Variants in IRF6 observed in about 807,000 individuals in gnomAD.
IRF6 encodes the protein Van der Woude syndrome.
A neutral mutation model predicts 51.4 loss-of-function variants in IRF6; 6 were observed. The observed-to-expected ratio is 0.12, with a 90% CI of 0.06 to 0.23. IRF6 has a LOEUF of 0.23. IRF6 is among the 10% of genes least tolerant of loss of function. The probability of loss-of-function intolerance (pLI) is 1.00; values close to 1 mark genes in which losing one functional copy is unlikely to be tolerated. For synonymous variants in IRF6, 178 were observed against 215.7 expected (o/e 0.83, Z 1.53); for missense variants, 348 against 585.2 (o/e 0.59, Z 4.18).
intron 5 of IRF6, among the ~76,000 whole-genome samples, chr1:209,792,908 G>C (rs1294857690): frequency 2.0e-5 from 3 of 152,184 alleles, no homozygotes; most frequent in Non-Finnish European, 4.4e-5. Flanking sequence ...AACCTAGAAG[G>C]ATCTGACTCC....
rs374822414 is a variant in IRF6, at chr1:209,786,517, G to C, written c.*1903C>G. The C allele has an allele frequency of 6.6e-6, 1 of 152,068 alleles. No individual in the cohort carries two copies. Among genetic ancestry groups the C allele is most frequent in the African/African-American group, 2.4e-5 (1 of 41,412 alleles). The allele number at this position is 152,068 out of a possible 1,614,324, so 9.4% of individuals were successfully genotyped here. ...TTACCTACAGTGGGTTTTTAACTTT[G>C]AGTTCCCACGTAGAGATGGGGCAGC... is the stretch of plus-strand genomic sequence containing the variant. On this transcript the variant is annotated 3_prime_UTR_variant, in exon 9 of 9. Transcript: ENST00000367021.
rs756149251 is a variant in IRF6, at chr1:209,789,672, C to G, written c.1174G>C (p.Val392Leu). The G allele has an allele frequency of 1.2e-6, 2 of 1,607,782 alleles. No individual in the cohort carries two copies. The highest frequency in any genetic ancestry group is 1.7e-6 in the Non-Finnish European group (2 of 1,174,258). ...ACACAGCCTTATCTTCTCACCTGAA[C>G]CAAGATGAGTTTCCTTTCCAATGGT... The part of the protein sequence containing the change: ...GKPLERKLIL[V>L]QVIPVVARMI... The change falls in exon 8 of 9, where the codon GTT becomes CTT. Residue 392 changes from valine to leucine, a missense_variant. By Grantham distance (32) the Val-to-Leu change is conservative. This residue lies in a region of IRF6 where 125 missense variants were observed against 222.0 expected (regional missense o/e 0.56). Transcript: ENST00000367021.
At position 209,790,865 on chromosome 1, in the gene IRF6, A is replaced by C. The variant is rs757779208; in HGVS notation, c.690T>G (p.Phe230Leu). The C allele has an allele frequency of 3.3e-5, 53 of 1,612,836 alleles. No individual in the cohort carries two copies. The highest frequency in any genetic ancestry group is 4.5e-5 in the Non-Finnish European group (53 of 1,180,024). Reference protein sequence around the residue: ...SLPMTDLDIKFQYRGKEYGQT... With the variant: ...SLPMTDLDIKLQYRGKEYGQT... ...GCCCGTACTCCTTCCCACGGTACTGAAACTTGATGTCCAGGTCAGTCACTG... is the reference window on the plus strand; with the variant it reads ...GCCCGTACTCCTTCCCACGGTACTGCAACTTGATGTCCAGGTCAGTCACTG... The change falls in exon 7 of 9, where the codon TTT becomes TTG. Residue 230 changes from phenylalanine to leucine, a missense_variant. Transcript: ENST00000367021. This position sits in a 1 kb window ranked among gnomAD's most constrained non-coding sequence, Gnocchi z 4.8.
intron 3 of IRF6, among the ~76,000 whole-genome samples, chr1:209,798,824 G>A (rs902773144): frequency 1.2e-4 from 18 of 148,192 alleles, no homozygotes; most frequent in Admixed American, 2.8e-4. Context: ...CAGGAGAATC[G>A]CTTGAACCCG....
chr1:209,802,921 C>T (rs1408467185), intron 1 of IRF6, among the ~76,000 whole-genome samples: 1 of 152,190 alleles, frequency 6.6e-6, no homozygotes, highest in Non-Finnish European at 1.5e-5. Context: ...ATGTGAAAAA[C>T]CCAAACCCAA....
At chr1:209,792,549 T>C (rs113778368) in intron 5 of IRF6, 122 bp from the exon 6 acceptor site, 1 of 997,006 alleles carries the variant, frequency 1.0e-6, no homozygotes, top group Non-Finnish European at 1.5e-6. Flanking sequence ...CCCAGTGTGA[T>C]CTTCCAGCCC....
intron 1 of IRF6, among the ~76,000 whole-genome samples, chr1:209,802,930 A>C (rs1296376102): frequency 6.6e-6 from 1 of 152,142 alleles, no homozygotes; most frequent in Non-Finnish European, 1.5e-5. Context: ...ACCCAAACCC[A>C]ACTCAGCGTC....
At chr1:209,804,547 T>A (rs1296421061) in intron 1 of IRF6, among the ~76,000 whole-genome samples, 3 of 152,214 alleles carry the variant, frequency 2.0e-5, no homozygotes, top group Non-Finnish European at 4.4e-5. Flanking sequence ...AAGAACCACC[T>A]TAGCCTAGTT....
At chr1:209,804,505 A>C (rs2077962198) in intron 1 of IRF6, among the ~76,000 whole-genome samples, 1 of 152,184 alleles carries the variant, frequency 6.6e-6, no homozygotes, top group African/African-American at 2.4e-5. Flanking sequence ...TTCTCTTTCT[A>C]AACACTCTTG....
chr1:209,803,896 G>C (rs1046915590), intron 1 of IRF6, among the ~76,000 whole-genome samples: 38 of 152,116 alleles, frequency 2.5e-4, no homozygotes, highest in Admixed American at 2.5e-3. Flanking sequence ...CATACAACTT[G>C]ACTGTGTAGC....
rs2077861851 is a variant in IRF6, at chr1:209,790,387, A to G, written c.1060+108T>C. 7.3e-7 allele frequency: 1 copy of G among 1,362,518 alleles called. No individual in the cohort carries two copies. The highest frequency in any genetic ancestry group is 2.5e-4 in the Middle Eastern group (1 of 4,022). 84.4% of individuals were successfully genotyped at this position (1,362,518 alleles called of 1,614,324 possible). A position where few individuals can be genotyped will look rare whatever the true frequency, so the allele number is the denominator to read the frequency against. ...TGACCTCCTCCAGACTAAATTTTTT[A>G]AGATCTTTGCCATGCCAGGAAAGCA... On this transcript the variant is annotated intron_variant, in intron 7 of 8. Coordinates refer to ENST00000367021, the MANE Select transcript of IRF6 (RefSeq NM_006147.4). The surrounding 1 kb of genome is among the most constrained non-coding windows in gnomAD (Gnocchi z 4.8).
chr1:209,792,489 C>T, intron 5 of IRF6, 62 bp from the exon 6 acceptor site: 3 of 1,565,556 alleles, frequency 1.9e-6, no homozygotes, highest in Non-Finnish European at 2.6e-6. Context: ...CTTGCTGATG[C>T]TCTGAGAACT....
In IRF6 at chr1:209,788,359, A is replaced by G; in HGVS notation, c.*61T>C. The G allele has an allele frequency of 8.7e-7, 1 of 1,145,320 alleles. No individual in the cohort carries two copies. The highest frequency in any genetic ancestry group is 1.8e-5 in the Admixed American group (1 of 56,420). The allele number at this position is 1,145,320 out of a possible 1,614,324, so 70.9% of individuals were successfully genotyped here. A position where few individuals can be genotyped will look rare whatever the true frequency, so the allele number is the denominator to read the frequency against. On this transcript the variant is annotated 3_prime_UTR_variant, in exon 9 of 9. Transcript: ENST00000367021. The stretch of plus-strand genomic sequence containing the variant: ...ATTTAAAAGCTGGTTAAATCTAAAC[A>G]ATAAAAAAATCCATATGTACAATAT...
intron 5 of IRF6, among the ~76,000 whole-genome samples, chr1:209,793,758 C>G (rs1302243347): frequency 1.3e-5 from 2 of 152,104 alleles, no homozygotes; most frequent in African/African-American, 4.8e-5. Flanking sequence ...GTCTATTGTT[C>G]CCTTCTTTGT....
At position 209,796,685 on chromosome 1, in the gene IRF6, C is replaced by T; in HGVS notation, c.175-133G>A. On this transcript the variant is annotated intron_variant, in intron 3 of 8. Transcript: ENST00000367021. The surrounding 1 kb of genome is among the most constrained non-coding windows in gnomAD (Gnocchi z 4.5). ...CACACACACACACACACAACTTTTG[C>T]ATGACTGCCCCATCATCCCAACCCC... is the stretch of plus-strand genomic sequence containing the variant. 5.7e-6 allele frequency: 4 copies of T among 697,112 alleles called. No individual in the cohort carries two copies. The highest frequency in any genetic ancestry group is 3.8e-4 in the Middle Eastern group (1 of 2,616). 43.2% of individuals were successfully genotyped at this position (697,112 alleles called of 1,614,324 possible).
At chr1:209,795,221 T>C in intron 5 of IRF6, 69 bp downstream of exon 5, 1 of 1,565,864 alleles carries the variant, frequency 6.4e-7, no homozygotes, top group Non-Finnish European at 8.8e-7. Flanking sequence ...GCCAATGTAT[T>C]GACAGTCCCA....
chr1:209,799,533 A>C (rs906662689), intron 3 of IRF6, among the ~76,000 whole-genome samples: 4 of 152,142 alleles, frequency 2.6e-5, no homozygotes, highest in Non-Finnish European at 4.4e-5. Flanking sequence ...CTGTGAAAGC[A>C]CCCTCCCCCT....
At position 209,786,445 on chromosome 1, in the gene IRF6, A is replaced by G. The variant is rs888954653; in HGVS notation, c.*1975T>C. Reference sequence around the variant, plus strand: ...CAGATAGCCTGGCTGTTAGCACTTCACAGAAGGGATATAGACTGGCCCAGA... The same window carrying G: ...CAGATAGCCTGGCTGTTAGCACTTCGCAGAAGGGATATAGACTGGCCCAGA... On this transcript the variant is annotated 3_prime_UTR_variant, in exon 9 of 9. Transcript: ENST00000367021. 2 of 152,162 alleles carry G rather than the reference A, an allele frequency of 1.3e-5. No individual in the cohort carries two copies. The highest frequency in any genetic ancestry group is 4.8e-5 in the African/African-American group (2 of 41,442). 9.4% of individuals were successfully genotyped at this position (152,162 alleles called of 1,614,324 possible). A position where few individuals can be genotyped will look rare whatever the true frequency, so the allele number is the denominator to read the frequency against.
At chr1:209,805,781 T>C (rs1233554647) in intron 1 of IRF6, among the ~76,000 whole-genome samples, 166 bp downstream of exon 1, 2 of 152,170 alleles carry the variant, frequency 1.3e-5, no homozygotes, top group South Asian at 2.1e-4. Context: ...CAAAGCTATC[T>C]GGAAAAGGGC....
Sources: gnomAD v4.1 joint callset for allele counts (sites outside exome capture counted in the v4.1 genomes callset) on GRCh38, gnomAD v4.1.1 for gene constraint, gnomAD v4.1.1 regional missense constraint, Gnocchi (gnomAD v3.1) non-coding constraint, MANE v1.5 for transcripts, NCBI Gene and HGNC (gene_info 2026-07-23, HGNC 2026-07-21) for gene names.